The following FN1 variants were observed in gnomAD, a reference collection of about 807,000 sequenced individuals.
FN1 encodes the protein fibronectin.
In FN1, 106 loss-of-function variants were observed where a neutral mutation model predicts 297.3. The ratio of observed to expected loss-of-function variants is 0.36; its 90% confidence interval spans 0.30 to 0.42. The LOEUF (loss-of-function observed/expected upper bound fraction) is 0.42. Ranked by LOEUF, FN1 falls within the 10% of genes least tolerant of loss-of-function variation. The pLI is 1.00. For missense variants in FN1, 2,690 were observed against 3,124.9 expected (o/e 0.86, Z 3.32); for synonymous variants, 1,149 against 1,152.6 (o/e 1.00, Z 0.06).
chr2:215,401,113 T>C (rs994555894), intron 20 of FN1, among the ~76,000 whole-genome samples: 1 of 149,664 alleles, frequency 6.7e-6, no homozygotes, highest in Non-Finnish European at 1.5e-5. Context: ...AAAAAAATCT[T>C]ATTTTTAAAT....
In FN1 at chr2:215,372,166, G is replaced by A; in HGVS notation, c.6457C>T (p.Pro2153Ser). The part of the protein sequence containing the change: ...FEEHGFRRTT[P>S]PTTATPIRHR... Reference sequence around the variant, plus strand: ...CTTATGGGGGTGGCCGTTGTGGGCGGTGTGGTCCGCCTAAAACCATGTTCC... The same window carrying A: ...CTTATGGGGGTGGCCGTTGTGGGCGATGTGGTCCGCCTAAAACCATGTTCC... Residue 2153 changes from proline (P) to serine (S), a missense_variant, in exon 40 of 46, where the codon CCG (proline) becomes TCG (serine). By Grantham distance (74) the Pro-to-Ser change is moderately conservative (BLOSUM62 -1). This residue lies in a region of FN1 where 1,743 missense variants were observed against 1,945.2 expected (regional missense o/e 0.90). Transcript: ENST00000354785. 1.2e-6 allele frequency: 2 copies of A among 1,614,232 alleles called. No individual in the cohort carries two copies. The highest frequency in any genetic ancestry group is 1.7e-6 in the Non-Finnish European group (2 of 1,180,036).
chr2:215,404,316 TTG>T, intron 20 of FN1, 71 bp downstream of exon 20: 3 of 1,416,816 alleles, frequency 2.1e-6, no homozygotes, highest in South Asian at 2.4e-5. Context: ...TTGTTTTGTT[TTG>T]TTTTGTTTTA....
At chr2:215,384,211 T>G in intron 29 of FN1, 27 bp from the exon 30 acceptor site, 3 of 1,612,706 alleles carry the variant, frequency 1.9e-6, no homozygotes, top group Non-Finnish European at 2.5e-6. Flanking sequence ...TAGTTCAGAG[T>G]GTGAGGGGTT....
chr2:215,363,234 G>A (rs965880693), intron 44 of FN1: 2 of 152,104 alleles, frequency 1.3e-5, no homozygotes, highest in African/African-American at 4.8e-5. Flanking sequence ...GCACATGAAA[G>A]GTTTCATGTG....
chr2:215,407,071 C>T, intron 18 of FN1, 56 bp downstream of exon 18: 1 of 1,351,184 alleles, frequency 7.4e-7, no homozygotes, highest in South Asian at 1.2e-5. Context: ...AAACAACCCT[C>T]CTTCAGGAAC....
At chr2:215,406,785 A>T (rs928906202) in intron 18 of FN1, among the ~76,000 whole-genome samples, 9 of 152,206 alleles carry the variant, frequency 5.9e-5, no homozygotes, top group Non-Finnish European at 1.0e-4. Flanking sequence ...AGATACTAAA[A>T]AATTTTTTAG....
At chr2:215,417,642 C>G (rs1354478914) in intron 12 of FN1, among the ~76,000 whole-genome samples, 1 of 152,208 alleles carries the variant, frequency 6.6e-6, no homozygotes, top group Non-Finnish European at 1.5e-5. Context: ...ACGGAGCAAA[C>G]CAGACATACA....
At chr2:215,408,491 T>C in intron 15 of FN1, 65 bp from the exon 16 acceptor site, 1 of 1,492,308 alleles carries the variant, frequency 6.7e-7, no homozygotes, top group Non-Finnish European at 9.3e-7. Flanking sequence ...CTCTACAGCT[T>C]ATAAGAAGGA....
chr2:215,378,373 C>G (rs2057683391), intron 34 of FN1, 111 bp from the exon 35 acceptor site: 1 of 705,084 alleles, frequency 1.4e-6, no homozygotes, highest in Non-Finnish European at 2.6e-6. Flanking sequence ...AATAAACAAA[C>G]CAGCAAAACC....
intron 24 of FN1, among the ~76,000 whole-genome samples, 165 bp downstream of exon 24, chr2:215,394,363 T>C (rs939404145): frequency 3.3e-5 from 5 of 152,228 alleles, no homozygotes; most frequent in African/African-American, 1.2e-4. Flanking sequence ...AGCAAGCATT[T>C]GTCCAAATCG....
At chr2:215,393,907 A>T (rs1018697846) in intron 24 of FN1, among the ~76,000 whole-genome samples, 11 of 152,286 alleles carry the variant, frequency 7.2e-5, no homozygotes, top group African/African-American at 2.6e-4. Flanking sequence ...ATTATGTTAT[A>T]ACCCAATGGA....
At chr2:215,384,745 C>T (rs1352609508) in intron 29 of FN1, 115 bp downstream of exon 29, 1 of 773,076 alleles carries the variant, frequency 1.3e-6, no homozygotes, top group Non-Finnish European at 2.3e-6. Context: ...AACAAGGGCT[C>T]CGTTGAATGG....
intron 9 of FN1, 62 bp downstream of exon 9, chr2:215,423,288 T>C: frequency 6.5e-7 from 1 of 1,548,546 alleles, no homozygotes; most frequent in Non-Finnish European, 8.9e-7. Context: ...TGGACACTAG[T>C]CTTTAGTCTC....
At chr2:215,371,521 G>A (rs950852696) in intron 40 of FN1, among the ~76,000 whole-genome samples, 1 of 151,032 alleles carries the variant, frequency 6.6e-6, no homozygotes, top group Non-Finnish European at 1.5e-5. Context: ...TCAAATGTGT[G>A]AGAATAAGAG....
chr2:215,361,141 T>C lies in FN1; in HGVS notation c.*414A>G, dbSNP rs1290482404. On this transcript the variant is annotated 3_prime_UTR_variant, in exon 46 of 46. Transcript: ENST00000354785. ...TATCACAGTAACAAGATCATGCTTG[T>C]TCCTACAGTATTGCGGGCCAGACAC... 5.0e-6 allele frequency: 1 copy of C among 199,852 alleles called. No homozygotes were observed. Among genetic ancestry groups the C allele is most frequent in the Non-Finnish European group, 1.0e-5 (1 of 96,458 alleles). 12.4% of individuals were successfully genotyped at this position (199,852 alleles called of 1,614,324 possible). A position where few individuals can be genotyped will look rare whatever the true frequency, so the allele number is the denominator to read the frequency against.
At chr2:215,400,409 T>C (rs2060856466) in intron 20 of FN1, among the ~76,000 whole-genome samples, 1 of 152,036 alleles carries the variant, frequency 6.6e-6, no homozygotes. Flanking sequence ...ATAACAAATT[T>C]ATTTTGCATT....
intron 11 of FN1, 80 bp from the exon 12 acceptor site, chr2:215,419,465 A>G: frequency 8.4e-7 from 1 of 1,187,840 alleles, no homozygotes; most frequent in Non-Finnish European, 1.3e-6. Flanking sequence ...TAGAGCATAC[A>G]TTTAGCTTAA....
intron 11 of FN1, among the ~76,000 whole-genome samples, chr2:215,419,729 T>G (rs990191588): frequency 6.6e-6 from 1 of 152,196 alleles, no homozygotes; most frequent in Non-Finnish European, 1.5e-5. Flanking sequence ...GGCTTAACAT[T>G]TAAATAGCAA....
chr2:215,412,496 G>A (rs2062800545), intron 13 of FN1, among the ~76,000 whole-genome samples: 1 of 152,092 alleles, frequency 6.6e-6, no homozygotes, highest in South Asian at 2.1e-4. Context: ...GAGTGCAGTA[G>A]TGCCATCTTG....
Sources: allele counts gnomAD v4.1 joint callset (sites outside exome capture counted in the v4.1 genomes callset), GRCh38; gene constraint gnomAD v4.1.1; regional missense constraint gnomAD v4.1.1; transcripts MANE v1.5; gene names NCBI Gene and HGNC (gene_info 2026-07-23, HGNC 2026-07-21).